Variants in INSC observed in about 807,000 individuals in gnomAD.
The protein encoded by INSC is INSC spindle orientation adaptor protein, also known as protein inscuteable homolog.
INSC carries 67 observed loss-of-function variants against 58.6 expected under a neutral mutation model. The ratio of observed to expected loss-of-function variants is 1.14; its 90% CI spans 0.94 to 1.40. INSC has a LOEUF of 1.40. Among genes scored for constraint, INSC ranks in the 40% most tolerant of loss-of-function variants. The probability of loss-of-function intolerance (pLI) is 0.00; values close to 1 mark genes in which losing one functional copy is unlikely to be tolerated. For missense variants in INSC, 714 were observed against 692.0 expected, an observed-to-expected ratio of 1.03 and a Z score of -0.36; for synonymous variants, 262 against 276.1, an observed-to-expected ratio of 0.95 and a Z score of 0.51.
chr11:15,198,651 C>G (rs987460303), intron 6 of INSC, among the ~76,000 whole-genome samples: 2 of 151,970 alleles, frequency 1.3e-5, no homozygotes, highest in Non-Finnish European at 2.9e-5. Flanking sequence ...TAAGCACACA[C>G]ATATATAAAT....
At chr11:15,261,380 G>A in the INSC span, among the ~76,000 whole-genome samples, 1 of 152,100 alleles carries the variant, frequency 6.6e-6, no homozygotes. Context: ...TAACAGCAAG[G>A]ACTTCTCATT....
chr11:15,136,008 C>T (rs1433211286), intron 1 of INSC, among the ~76,000 whole-genome samples: 3 of 152,072 alleles, frequency 2.0e-5, no homozygotes. Context: ...TTATGTAAGG[C>T]CTTTTTCTAA....
rs572633997 is a variant in INSC, at chr11:15,177,667, T to A, written c.455+504T>A. Among the ~76,000 whole-genome samples, 6 of 152,236 alleles carry A rather than the reference T, an allele frequency of 3.9e-5. No individual in the cohort carries two copies. The East Asian group carries it at 1.2e-3, about 29-fold the overall frequency. Reference sequence around the variant, plus strand: ...ACCTACATATGTTTATACTCAGATATGTACACACACTCAGCCTCACATGTA... The same window carrying A: ...ACCTACATATGTTTATACTCAGATAAGTACACACACTCAGCCTCACATGTA... On this transcript the variant is annotated intron_variant, in intron 4 of 12. Coordinates refer to ENST00000379556, the MANE Select transcript of INSC (RefSeq NM_001042536.3).
intron 2 of INSC, among the ~76,000 whole-genome samples, chr11:15,157,183 C>G (rs561298711): frequency 1.3e-5 from 2 of 152,326 alleles, no homozygotes; most frequent in East Asian, 3.9e-4. Flanking sequence ...TTCTTGCTCT[C>G]CAGGCAAGGG....
At chr11:15,192,563 T>G (rs913187233) in intron 6 of INSC, among the ~76,000 whole-genome samples, 1 of 152,216 alleles carries the variant, frequency 6.6e-6, no homozygotes, top group African/African-American at 2.4e-5. Flanking sequence ...GTGCAATGCC[T>G]GCACAAAGTG....
chr11:15,112,647 TGGG>T, upstream of INSC: 1 of 112,226 alleles, frequency 8.9e-6, no homozygotes, highest in Non-Finnish European at 1.5e-5. Context: ...TATTGGGAAG[TGGG>T]GGGGGGGCAT....
chr11:15,121,815 A>G (rs967376111), intron 1 of INSC, among the ~76,000 whole-genome samples: 3 of 152,142 alleles, frequency 2.0e-5, no homozygotes, highest in African/African-American at 7.2e-5. Context: ...ATAGTCAATT[A>G]TTATCTTTAT....
chr11:15,186,584 T>G (rs1849977255), intron 5 of INSC, among the ~76,000 whole-genome samples: 1 of 152,210 alleles, frequency 6.6e-6, no homozygotes, highest in South Asian at 2.1e-4. Context: ...GTTCCTAAAT[T>G]GGATATTCCC....
At chr11:15,165,333 A>T (rs1165245434) in intron 2 of INSC, among the ~76,000 whole-genome samples, 1 of 152,156 alleles carries the variant, frequency 6.6e-6, no homozygotes, top group Non-Finnish European at 1.5e-5. Flanking sequence ...AGAGACTAAC[A>T]CTTAGAGTAT....
chr11:15,138,797 G>A (rs1409082578), intron 1 of INSC, among the ~76,000 whole-genome samples: 2 of 152,158 alleles, frequency 1.3e-5, no homozygotes, highest in Non-Finnish European at 2.9e-5. Flanking sequence ...CCACAACCCT[G>A]AGGATAGGTT....
chr11:15,196,781 A>T (rs1850387584), intron 6 of INSC, among the ~76,000 whole-genome samples: 1 of 152,174 alleles, frequency 6.6e-6, no homozygotes, highest in South Asian at 2.1e-4. Flanking sequence ...TTAACCTCTC[A>T]ATGATCCTCT....
intron 5 of INSC, among the ~76,000 whole-genome samples, chr11:15,186,812 A>C (rs1393194562): frequency 6.6e-6 from 1 of 152,100 alleles, no homozygotes; most frequent in East Asian, 1.9e-4. Context: ...TAATCTTTCG[A>C]ATAGTTCATG....
At chr11:15,113,119 CTCTTTCTT>C (rs746409775), upstream of INSC, among the ~76,000 whole-genome samples, 126 of 73,300 alleles carry the variant, frequency 1.7e-3, 2 homozygotes, top group African/African-American at 4.1e-3. Flanking sequence ...TTCTCTCTCT[CTCTTTCTT>C]TCTTTCTTTC....
intron 2 of INSC, among the ~76,000 whole-genome samples, chr11:15,166,138 G>T (rs1331532817): frequency 6.6e-6 from 1 of 152,184 alleles, no homozygotes; most frequent in African/African-American, 2.4e-5. Flanking sequence ...TTGTTGAACT[G>T]GTTGAGAATA....
At chr11:15,165,062 G>T (rs953535105) in intron 2 of INSC, among the ~76,000 whole-genome samples, 1 of 152,146 alleles carries the variant, frequency 6.6e-6, no homozygotes, top group Non-Finnish European at 1.5e-5. Flanking sequence ...TACCGAGCAG[G>T]TCTTACAGCT....
chr11:15,251,819 C>T (rs112902971), downstream of INSC, among the ~76,000 whole-genome samples: 8,632 of 152,164 alleles, frequency 0.057, 338 homozygotes, highest in Non-Finnish European at 0.087. Flanking sequence ...GGAAAACATT[C>T]TGTTAGTTCC....
intron 1 of INSC, among the ~76,000 whole-genome samples, chr11:15,117,921 C>A (rs1380733080): frequency 6.6e-6 from 1 of 152,176 alleles, no homozygotes; most frequent in Non-Finnish European, 1.5e-5. Context: ...TTGATAAACA[C>A]CCCCTGCTCC....
the INSC span, among the ~76,000 whole-genome samples, chr11:15,256,959 T>C: frequency 4.0e-4 from 61 of 152,326 alleles, no homozygotes; most frequent in Non-Finnish European, 7.8e-4. Flanking sequence ...CATTCAACTG[T>C]CATTCCAGGG....
chr11:15,111,576 G>A (rs1030940416), upstream of INSC, among the ~76,000 whole-genome samples: 2 of 152,136 alleles, frequency 1.3e-5, no homozygotes, highest in East Asian at 1.9e-4. Context: ...AGCTATTTGT[G>A]GGTACACCTC....
Sources: allele counts gnomAD v4.1 joint callset (sites outside exome capture counted in the v4.1 genomes callset), GRCh38; gene constraint gnomAD v4.1.1; transcripts MANE v1.5; gene names NCBI Gene and HGNC (gene_info 2026-07-23, HGNC 2026-07-21).